Variants in RPRD1B observed in about 807,000 individuals in gnomAD.
RPRD1B encodes regulation of nuclear pre-mRNA domain containing 1B.
RPRD1B carries 11 observed loss-of-function variants against 41.5 expected under a neutral mutation model. That is an observed-to-expected ratio of 0.27 (90% confidence interval 0.17 to 0.44). The LOEUF (loss-of-function observed/expected upper bound fraction) is 0.44, where lower values mean the gene tolerates loss of function less well. Ranked by LOEUF, RPRD1B falls within the 20% of genes least tolerant of loss-of-function variation. The pLI is 1.00. For missense variants in RPRD1B, 248 were observed against 389.9 expected, an observed-to-expected ratio of 0.64 and a Z score of 3.06; for synonymous variants, 158 against 155.6, an observed-to-expected ratio of 1.02 and a Z score of -0.12.
At chr20:38,041,406 A>G (rs1218797201) in intron 2 of RPRD1B, among the ~76,000 whole-genome samples, 3 of 152,234 alleles carry the variant, frequency 2.0e-5, no homozygotes, top group Admixed American at 6.5e-5. Context: ...CTTTCATTGC[A>G]GGATTTGAAA....
At chr20:38,076,513 A>G (rs576868086) in intron 6 of RPRD1B, among the ~76,000 whole-genome samples, 2 of 152,356 alleles carry the variant, frequency 1.3e-5, no homozygotes, top group Admixed American at 6.5e-5. Context: ...TCACATTCAC[A>G]TGAGCATACC....
Position 38,048,477 on chromosome 20 carries a change from C to T in RPRD1B, c.411C>T (p.Pro137=), listed in dbSNP as rs758478465. 1 of 1,603,276 alleles carries T rather than the reference C, an allele frequency of 6.2e-7. No homozygotes were observed. Among genetic ancestry groups the T allele is most frequent in the South Asian group, 1.1e-5 (1 of 90,120 alleles). ...LSMEDSKSPP[P]KATEEKKSLK... is the part of the protein sequence containing the mutation. ...TGGAGGACTCCAAGAGCCCTCCCCCCAAAGGTAGAAACATCACCACATGTT... is the reference window on the plus strand; with the variant it reads ...TGGAGGACTCCAAGAGCCCTCCCCCTAAAGGTAGAAACATCACCACATGTT... Residue 137 remains proline (P), a synonymous_variant, in exon 3 of 7, where the codon CCC becomes CCT. Transcript: ENST00000373433.
Position 38,089,093 on chromosome 20 carries a change from C to T in RPRD1B, c.832-633C>T, listed in dbSNP as rs559575515. Among the ~76,000 whole-genome samples, 44 of 152,272 alleles carry T rather than the reference C, an allele frequency of 2.9e-4. No homozygotes were observed. The South Asian group carries it at 8.9e-3, about 31-fold the overall frequency. On this transcript the variant is annotated intron_variant, in intron 6 of 6. Coordinates refer to ENST00000373433, the MANE Select transcript of RPRD1B (RefSeq NM_021215.4). ...AGTGGGGTGCCGTGCCTCACTTTCT[C>T]AAGGGAGTGGTTTCATGAAAGCTGG...
chr20:38,053,414 G>A (rs1455123743), intron 3 of RPRD1B, among the ~76,000 whole-genome samples: 1 of 152,138 alleles, frequency 6.6e-6, no homozygotes, highest in Non-Finnish European at 1.5e-5. Flanking sequence ...CCCTTCAAGC[G>A]GTTTCAAACT....
intron 1 of RPRD1B, among the ~76,000 whole-genome samples, chr20:38,035,828 G>A (rs1389310242): frequency 1.3e-5 from 2 of 151,142 alleles, no homozygotes; most frequent in Admixed American, 6.6e-5. Context: ...GCAGTGGTGC[G>A]ATCTCAGCTC....
At chr20:38,040,833 T>C (rs1256264852) in intron 2 of RPRD1B, among the ~76,000 whole-genome samples, 1 of 152,256 alleles carries the variant, frequency 6.6e-6, no homozygotes, top group Non-Finnish European at 1.5e-5. Flanking sequence ...TTGGTTATGG[T>C]ATTTTCCTTG....
At chr20:38,047,693 CAG>C (rs1481195833) in intron 2 of RPRD1B, among the ~76,000 whole-genome samples, 1 of 152,014 alleles carries the variant, frequency 6.6e-6, no homozygotes, top group African/African-American at 2.4e-5. Context: ...GTTAACATGT[CAG>C]GGGAAAACAT....
chr20:38,044,781 A>G (rs1294462174), intron 2 of RPRD1B, among the ~76,000 whole-genome samples: 1 of 152,178 alleles, frequency 6.6e-6, no homozygotes, highest in African/African-American at 2.4e-5. Context: ...AAGTTCCCAG[A>G]CCACTTCCCT....
At chr20:38,061,489 G>C (rs867203510) in intron 5 of RPRD1B, among the ~76,000 whole-genome samples, 1 of 152,122 alleles carries the variant, frequency 6.6e-6, no homozygotes, top group Non-Finnish European at 1.5e-5. Flanking sequence ...TCTAGCCAAG[G>C]CCATTGCTCC....
At chr20:38,074,417 A>G (rs930495793) in intron 6 of RPRD1B, among the ~76,000 whole-genome samples, 1 of 152,242 alleles carries the variant, frequency 6.6e-6, no homozygotes, top group African/African-American at 2.4e-5. Flanking sequence ...ATTATAATGT[A>G]CTTCACATAC....
At chr20:38,054,904 T>A (rs75197105) in intron 3 of RPRD1B, among the ~76,000 whole-genome samples, 1,585 of 152,330 alleles carry the variant, frequency 0.01, 26 homozygotes, top group African/African-American at 0.036. Flanking sequence ...TCTGCATGGG[T>A]CATATAGCAC....
At chr20:38,066,844 A>G (rs537607707) in intron 6 of RPRD1B, among the ~76,000 whole-genome samples, 55 of 152,120 alleles carry the variant, frequency 3.6e-4, no homozygotes, top group Admixed American at 3.5e-3. Flanking sequence ...TTTAGTAGGG[A>G]CGGGGTTTCA....
intron 6 of RPRD1B, among the ~76,000 whole-genome samples, chr20:38,080,258 CT>C (rs2074500804): frequency 6.6e-6 from 1 of 152,116 alleles, no homozygotes; most frequent in African/African-American, 2.4e-5. Context: ...GTTGCAGTTA[CT>C]TTTGGAGTCT....
intron 5 of RPRD1B, among the ~76,000 whole-genome samples, chr20:38,063,051 C>A (rs547668226): frequency 6.6e-6 from 1 of 152,120 alleles, no homozygotes; most frequent in African/African-American, 2.4e-5. Flanking sequence ...TTACTATTTT[C>A]CCCTCACTCA....
At chr20:38,085,382 G>C (rs147802918) in intron 6 of RPRD1B, 3 of 152,342 alleles carry the variant, frequency 2.0e-5, no homozygotes, top group Non-Finnish European at 4.4e-5. Context: ...CTAAAGTATA[G>C]TCCTGAGTAA....
intron 1 of RPRD1B, among the ~76,000 whole-genome samples, chr20:38,038,504 T>G (rs1302577503): frequency 1.4e-5 from 2 of 142,626 alleles, no homozygotes; most frequent in Non-Finnish European, 3.1e-5. Flanking sequence ...TTTTTTTTTT[T>G]TTTTTTTTTT....
intron 2 of RPRD1B, among the ~76,000 whole-genome samples, chr20:38,044,664 G>C (rs1030510054): frequency 6.6e-6 from 1 of 152,086 alleles, no homozygotes; most frequent in Non-Finnish European, 1.5e-5. Flanking sequence ...GTCAGCCACC[G>C]CGCCAGGCTC....
Position 38,091,943 on chromosome 20 carries a change from ACTTC to A in RPRD1B, c.*2071_*2074del. On this transcript the variant is annotated 3_prime_UTR_variant, in exon 7 of 7. Transcript: ENST00000373433. ...GCCTCTTAATACCTGTTACTAGTGGACTTCCTGTGAGGAAGTTAGTTTTTTGTTT... is the reference window on the plus strand; with the variant it reads ...GCCTCTTAATACCTGTTACTAGTGGACTGTGAGGAAGTTAGTTTTTTGTTT... 1 of 985,852 alleles carries A rather than the reference ACTTC, an allele frequency of 1.0e-6. No homozygotes were observed. The highest frequency in any genetic ancestry group is 1.2e-6 in the Non-Finnish European group (1 of 829,930). 61.1% of individuals were successfully genotyped at this position (985,852 alleles called of 1,614,324 possible).
At chr20:38,059,559 G>C (rs1356105259) in intron 5 of RPRD1B, 39 bp downstream of exon 5, 3 of 1,604,474 alleles carry the variant, frequency 1.9e-6, no homozygotes, top group Non-Finnish European at 2.6e-6. Flanking sequence ...GAGGAGAGAG[G>C]GACATAACTG....
Sources: allele counts gnomAD v4.1 joint callset (sites outside exome capture counted in the v4.1 genomes callset), GRCh38; gene constraint gnomAD v4.1.1; transcripts MANE v1.5; gene names NCBI Gene and HGNC (gene_info 2026-07-23, HGNC 2026-07-21).